AIG1: variants seen among roughly 807,000 people sequenced by gnomAD.
AIG1 encodes the protein androgen induced 1, also known as androgen-induced gene 1 protein.
A neutral mutation model predicts 31.4 loss-of-function variants in AIG1; 23 were observed. The observed-to-expected ratio is 0.73, with a 90% CI of 0.53 to 1.04. The LOEUF is 1.04. Ranked by LOEUF, AIG1 falls within the 50% of genes least tolerant of loss-of-function variation. The pLI is 0.00. For missense variants in AIG1, 274 were observed against 295.0 expected (o/e 0.93, Z 0.52); for synonymous variants, 100 against 110.5 (o/e 0.90, Z 0.60).
intron 2 of AIG1, among the ~76,000 whole-genome samples, chr6:143,143,596 T>A (rs1476899050): frequency 6.9e-6 from 1 of 144,452 alleles, no homozygotes; most frequent in African/African-American, 2.5e-5. Context: ...TTTATTAAAT[T>A]TTCACACAGG....
chr6:143,317,471 A>T (rs1416908510), intron 4 of AIG1, among the ~76,000 whole-genome samples: 1 of 152,090 alleles, frequency 6.6e-6, no homozygotes, highest in Non-Finnish European at 1.5e-5. Flanking sequence ...TATTATTAAA[A>T]CCCTCAGCAA....
intron 3 of AIG1, among the ~76,000 whole-genome samples, chr6:143,172,164 G>A (rs1787702038): frequency 6.6e-6 from 1 of 151,952 alleles, no homozygotes; most frequent in Non-Finnish European, 1.5e-5. Context: ...TGTTTCTTTT[G>A]CTGTGCAGAA....
chr6:143,156,788 T>C (rs78637039), intron 2 of AIG1, among the ~76,000 whole-genome samples: 182 of 152,296 alleles, frequency 1.2e-3, no homozygotes, highest in African/African-American at 4.2e-3. Flanking sequence ...CCCTTCAGAG[T>C]CATCCTAAAT....
rs184516352 is a variant in AIG1 at position 143,229,779 on chromosome 6, C to T, written c.400-54331C>T. Among the ~76,000 whole-genome samples, 135 of 47,234 alleles carry T rather than the reference C, an allele frequency of 2.9e-3. 2 individuals carry two copies. In the East Asian group the frequency reaches 0.15, roughly 52 times the overall value. 31.0% of individuals were successfully genotyped at this position (47,234 alleles called of 152,430 possible). On this transcript the variant is annotated intron_variant, in intron 3 of 5. Coordinates refer to ENST00000357847, the MANE Select transcript of AIG1 (RefSeq NM_016108.4). ...TTAATGCCTCTCGTTTCTGGACTCT[C>T]AGAACAAAAAAAAAAAAAAAAAAAA...
At chr6:143,083,563 C>T (rs1404144821) in intron 1 of AIG1, among the ~76,000 whole-genome samples, 1 of 152,108 alleles carries the variant, frequency 6.6e-6, no homozygotes, top group African/African-American at 2.4e-5. Flanking sequence ...GGACAATGGC[C>T]TCATTGATAA....
chr6:143,276,367 T>A (rs936174843), intron 3 of AIG1, among the ~76,000 whole-genome samples: 7 of 152,186 alleles, frequency 4.6e-5, no homozygotes, highest in African/African-American at 1.7e-4. Flanking sequence ...ATACTGGCAC[T>A]CAGTAAGTAT....
intron 2 of AIG1, among the ~76,000 whole-genome samples, chr6:143,154,583 G>A (rs572469478): frequency 6.6e-6 from 1 of 152,134 alleles, no homozygotes; most frequent in Non-Finnish European, 1.5e-5. Context: ...TCTGTATCTC[G>A]AGCAGGCAGT....
chr6:143,132,880 AT>A (rs560198044), intron 1 of AIG1, among the ~76,000 whole-genome samples: 15 of 151,208 alleles, frequency 9.9e-5, no homozygotes, highest in East Asian at 1.9e-4. Flanking sequence ...TTGATTTCAG[AT>A]TTTTTTTAAC....
intron 1 of AIG1, among the ~76,000 whole-genome samples, chr6:143,083,142 C>G (rs1778430725): frequency 6.6e-6 from 1 of 152,212 alleles, no homozygotes; most frequent in Admixed American, 6.5e-5. Flanking sequence ...AAGTGTTTAA[C>G]CTGCTGTAAG....
chr6:143,133,087 A>G (rs1783404676), intron 1 of AIG1, among the ~76,000 whole-genome samples: 1 of 152,024 alleles, frequency 6.6e-6, no homozygotes, highest in South Asian at 2.1e-4. Context: ...ACTGCTTGAC[A>G]TGTTCAGTAA....
chr6:143,294,853 T>C lies in AIG1; in HGVS notation c.515+10628T>C, dbSNP rs752460445. Among the ~76,000 whole-genome samples, 5 of 152,288 alleles carry C rather than the reference T, an allele frequency of 3.3e-5. No homozygotes were observed. In the East Asian group the frequency reaches 7.7e-4, roughly 24 times the overall value. On this transcript the variant is annotated intron_variant, in intron 4 of 5. Coordinates refer to ENST00000357847, the MANE Select transcript of AIG1 (RefSeq NM_016108.4). ...CCCTCTCAGCCTCATTTGCTGGCTC[T>C]TTCAACTCCCCCCAAACCTCAGTGT...
At chr6:143,243,766 G>T (rs1036718881) in intron 3 of AIG1, among the ~76,000 whole-genome samples, 1 of 152,214 alleles carries the variant, frequency 6.6e-6, no homozygotes, top group Non-Finnish European at 1.5e-5. Flanking sequence ...GCCCTGAACT[G>T]CCATACTACC....
intron 3 of AIG1, among the ~76,000 whole-genome samples, chr6:143,221,801 A>G (rs4896625): frequency 0.01 from 1,592 of 152,300 alleles, 46 homozygotes; most frequent in East Asian, 0.07. Flanking sequence ...GAGAGACTTA[A>G]CACTCAAGAA....
At chr6:143,111,967 A>G (rs992904064) in intron 1 of AIG1, among the ~76,000 whole-genome samples, 5 of 152,138 alleles carry the variant, frequency 3.3e-5, no homozygotes, top group Admixed American at 1.3e-4. Flanking sequence ...CCCATTCAAT[A>G]TGGTCATCCT....
intron 1 of AIG1, among the ~76,000 whole-genome samples, chr6:143,129,579 A>G (rs2128510893): frequency 6.6e-6 from 1 of 152,314 alleles, no homozygotes; most frequent in Admixed American, 6.5e-5. Context: ...TAAATCTGAG[A>G]AAGTGTTGCT....
At chr6:143,146,867 G>A (rs534206189) in intron 2 of AIG1, among the ~76,000 whole-genome samples, 97 of 152,296 alleles carry the variant, frequency 6.4e-4, no homozygotes, top group Non-Finnish European at 8.2e-4. Context: ...GTCTGGGATA[G>A]GACTTTCATT....
intron 3 of AIG1, among the ~76,000 whole-genome samples, chr6:143,259,012 C>T (rs1462807854): frequency 6.6e-6 from 1 of 152,188 alleles, no homozygotes; most frequent in Non-Finnish European, 1.5e-5. Flanking sequence ...GACAAAAGGG[C>T]AGTGGATCCT....
intron 3 of AIG1, among the ~76,000 whole-genome samples, chr6:143,205,845 T>G (rs1428833573): frequency 6.6e-6 from 1 of 152,234 alleles, no homozygotes; most frequent in African/African-American, 2.4e-5. Flanking sequence ...AAATACAGAT[T>G]GCAGGGCAAA....
intron 4 of AIG1, among the ~76,000 whole-genome samples, chr6:143,306,669 A>T (rs1368201910): frequency 6.6e-6 from 1 of 151,802 alleles, no homozygotes; most frequent in Non-Finnish European, 1.5e-5. Context: ...GAATCTGACA[A>T]TTATGTGTCT....
Sources: allele counts gnomAD v4.1 joint callset (sites outside exome capture counted in the v4.1 genomes callset), GRCh38; gene constraint gnomAD v4.1.1; transcripts MANE v1.5; gene names NCBI Gene and HGNC (gene_info 2026-07-23, HGNC 2026-07-21).